The following FGF13 variants were observed in gnomAD, a reference collection of about 807,000 sequenced individuals.
FGF13 encodes fibroblast growth factor 13, also known as fibroblast growth factor homologous factor 2.
Under a neutral mutation model 19.5 loss-of-function variants are expected in FGF13, and 2 were observed. The observed-to-expected ratio is 0.10, with a 90% confidence interval of 0.04 to 0.32. The LOEUF (loss-of-function observed/expected upper bound fraction) is 0.32, where lower values mean the gene tolerates loss of function less well. FGF13 is among the 10% of genes least tolerant of loss of function. The probability of loss-of-function intolerance (pLI) is 1.00; values close to 1 mark genes in which losing one functional copy is unlikely to be tolerated. For synonymous variants in FGF13, 72 were observed against 76.9 expected (o/e 0.94, Z 0.33); for missense variants, 113 against 192.7 (o/e 0.59, Z 2.45).
At chrX:138,712,887 G>A (rs1011965741), upstream of FGF13, among the ~76,000 whole-genome samples, 2 of 111,905 alleles carry the variant, frequency 1.8e-5, no homozygotes, top group Non-Finnish European at 3.8e-5. Flanking sequence ...CAACAAACAA[G>A]CTCGGACTCA....
At chrX:138,697,057 T>A (rs2089903292) in intron 3 of FGF13, among the ~76,000 whole-genome samples, 1 of 112,305 alleles carries the variant, frequency 8.9e-6, no homozygotes, top group Admixed American at 9.5e-5. Context: ...AATTATAAAA[T>A]TTTAAAAACC....
intron 3 of FGF13, among the ~76,000 whole-genome samples, chrX:138,675,347 G>A (rs955555352): frequency 4.5e-5 from 5 of 111,776 alleles, no homozygotes; most frequent in Admixed American, 9.5e-5. Flanking sequence ...TAACCTAGCC[G>A]AAGAAATAGG....
Position 138,629,540 on chromosome X carries a change from T to G in FGF13, c.*3310A>C, listed in dbSNP as rs987300466. On this transcript the variant is annotated 3_prime_UTR_variant, in exon 5 of 5. Transcript: ENST00000315930. Reference sequence around the variant, plus strand: ...TTTGATAAGTGGCGCTTTCCCATTCTCTCTCCTGCTGCCACGTGGAAAAGG... The same window carrying G: ...TTTGATAAGTGGCGCTTTCCCATTCGCTCTCCTGCTGCCACGTGGAAAAGG... 1 of 111,393 alleles carries G rather than the reference T, an allele frequency of 9.0e-6. No individual in the cohort carries two copies. The highest frequency in any genetic ancestry group is 1.9e-5 in the Non-Finnish European group (1 of 53,121). 9.2% of individuals were successfully genotyped at this position (111,393 alleles called of 1,213,427 possible).
chrX:139,137,368 A>G (rs2083809308), intron 1 of FGF13, among the ~76,000 whole-genome samples: 1 of 111,950 alleles, frequency 8.9e-6, no homozygotes, highest in Non-Finnish European at 1.9e-5. Flanking sequence ...ATACCAACCA[A>G]ATTTCCAAAA....
chrX:138,836,149 T>A (rs2091111377), intron 3 of FGF13, among the ~76,000 whole-genome samples: 1 of 111,414 alleles, frequency 9.0e-6, no homozygotes, highest in African/African-American at 3.3e-5. Flanking sequence ...GATAATCTAA[T>A]GATTATGTGT....
At chrX:138,997,270 C>T (rs2124354751) in intron 1 of FGF13, among the ~76,000 whole-genome samples, 1 of 112,053 alleles carries the variant, frequency 8.9e-6, no homozygotes, top group African/African-American at 3.2e-5. Flanking sequence ...AAGACCGCCT[C>T]TTCTCCTACA....
At chrX:139,055,356 C>A (rs891239914) in intron 1 of FGF13, among the ~76,000 whole-genome samples, 12 of 111,921 alleles carry the variant, frequency 1.1e-4, no homozygotes, top group African/African-American at 3.9e-4. Context: ...CTGGTCAAGC[C>A]AGGTTTTATC....
At chrX:138,984,075 C>T (rs1412544431) in intron 1 of FGF13, among the ~76,000 whole-genome samples, 1 of 111,368 alleles carries the variant, frequency 9.0e-6, no homozygotes, top group East Asian at 2.9e-4. Context: ...GAAACCTCAG[C>T]ATTTTGTTTA....
At chrX:138,850,884 C>G (rs911503334) in intron 3 of FGF13, among the ~76,000 whole-genome samples, 1 of 111,719 alleles carries the variant, frequency 9.0e-6, no homozygotes, top group African/African-American at 3.2e-5. Context: ...TGCTCTCCCT[C>G]CCCCGATACC....
At chrX:138,869,192 T>C (rs929697772) in intron 1 of FGF13, among the ~76,000 whole-genome samples, 7 of 111,882 alleles carry the variant, frequency 6.3e-5, no homozygotes, top group Admixed American at 9.5e-5. Flanking sequence ...TATTGATGCT[T>C]TTCTCCATGC....
chrX:138,625,472 A>G lies in FGF13; in HGVS notation c.*7378T>C, dbSNP rs756128615. 15 of 92,868 alleles carry G rather than the reference A, an allele frequency of 1.6e-4. No homozygotes were observed. Among genetic ancestry groups the G allele is most frequent in the East Asian group, 1.2e-3 (4 of 3,224 alleles). The allele number at this position is 92,868 out of a possible 1,213,427, so 7.7% of individuals were successfully genotyped here. Reference sequence around the variant, plus strand: ...AAGAAAGAAAATTATATATATATACATATATATATATAATATATATATATA... The same window carrying G: ...AAGAAAGAAAATTATATATATATACGTATATATATATAATATATATATATA... On this transcript the variant is annotated 3_prime_UTR_variant, in exon 5 of 5. Transcript: ENST00000315930.
intron 1 of FGF13, among the ~76,000 whole-genome samples, chrX:138,968,024 T>C (rs145979065): frequency 0.01 from 1,156 of 111,521 alleles, 15 homozygotes; most frequent in African/African-American, 0.035. Flanking sequence ...AGCTACTAGG[T>C]TGCAGAACCC....
intron 1 of FGF13, among the ~76,000 whole-genome samples, chrX:138,955,069 C>G (rs754281745): frequency 1.1e-3 from 119 of 112,738 alleles, no homozygotes; most frequent in African/African-American, 3.8e-3. Flanking sequence ...GATCCTGTGA[C>G]TATCCCCTAG....
intron 3 of FGF13, among the ~76,000 whole-genome samples, chrX:138,828,637 C>T (rs1377341426): frequency 9.1e-6 from 1 of 109,967 alleles, no homozygotes; most frequent in Non-Finnish European, 1.9e-5. Context: ...TATTGTGCAA[C>T]ACATTCTGTG....
Position 138,671,590 on chromosome X carries a change from C to A in FGF13, c.402+31394G>T, listed in dbSNP as rs1047131032. Among the ~76,000 whole-genome samples the A allele has an allele frequency of 3.6e-5, 4 of 111,183 alleles. 1 individual carries two copies. The highest frequency in any genetic ancestry group is 9.3e-3 in the Middle Eastern group (2 of 214). On this transcript the variant is annotated intron_variant, in intron 3 of 4. Transcript: ENST00000315930. ...ATCACTAAGCAAAATAAAGACCCTGCCCTCAAGGAGCTGACATTCTAGTAG... is the reference window on the plus strand; with the variant it reads ...ATCACTAAGCAAAATAAAGACCCTGACCTCAAGGAGCTGACATTCTAGTAG...
intron 1 of FGF13, among the ~76,000 whole-genome samples, chrX:138,944,039 CT>C (rs1407842850): frequency 9.0e-6 from 1 of 111,025 alleles, no homozygotes; most frequent in Non-Finnish European, 1.9e-5. Context: ...ATTAGTGCCC[CT>C]GTTCTACCAA....
chrX:139,142,335 A>G (rs1212367169), intron 1 of FGF13, among the ~76,000 whole-genome samples: 1 of 112,154 alleles, frequency 8.9e-6, no homozygotes, highest in Non-Finnish European at 1.9e-5. Context: ...ACAGAAAGAA[A>G]AAGATAAAAA....
chrX:139,155,832 T>C (rs17002016), intron 1 of FGF13, among the ~76,000 whole-genome samples: 12,355 of 111,525 alleles, frequency 0.11, 1,089 homozygotes, highest in African/African-American at 0.3. Context: ...CAAAGAACAA[T>C]AGACCTGATA....
intron 1 of FGF13, among the ~76,000 whole-genome samples, chrX:138,906,769 T>A (rs2091560797): frequency 9.0e-6 from 1 of 110,930 alleles, no homozygotes; most frequent in South Asian, 3.9e-4. Context: ...ACCCTCAGCC[T>A]TCAGTTCTGT....
Sources: gnomAD v4.1 joint callset for allele counts (sites outside exome capture counted in the v4.1 genomes callset) on GRCh38, gnomAD v4.1.1 for gene constraint, MANE v1.5 for transcripts, NCBI Gene and HGNC (gene_info 2026-07-23, HGNC 2026-07-21) for gene names.